Variants in NRG1 observed in about 807,000 individuals in gnomAD.
NRG1 encodes the protein pro-neuregulin-1, membrane-bound isoform.
A neutral mutation model predicts 63.8 loss-of-function variants in NRG1; 18 were observed. The ratio of observed to expected loss-of-function variants is 0.28; its 90% CI spans 0.19 to 0.42. The LOEUF (loss-of-function observed/expected upper bound fraction) is 0.42, where lower values mean the gene tolerates loss of function less well. NRG1 is among the 10% of genes least tolerant of loss of function. NRG1 has a pLI of 1.00. For synonymous variants in NRG1, 302 were observed against 301.3 expected, an observed-to-expected ratio of 1.00 and a Z score of -0.02; for missense variants, 762 against 814.7, an observed-to-expected ratio of 0.94 and a Z score of 0.79.
intron 1 of NRG1, among the ~76,000 whole-genome samples, chr8:31,901,932 A>G (rs1433091788): frequency 6.6e-6 from 1 of 152,036 alleles, no homozygotes; most frequent in African/African-American, 2.4e-5. Flanking sequence ...TCTGTTTCCC[A>G]CTCCATGAAA....
chr8:32,560,534 G>A (rs1326272505), intron 1 of NRG1, among the ~76,000 whole-genome samples: 1 of 152,188 alleles, frequency 6.6e-6, no homozygotes, highest in African/African-American at 2.4e-5. Context: ...ACATTGAGTT[G>A]TAGGAGTTGA....
rs546161662 is a variant in NRG1, at chr8:31,735,387, C to CAA, written c.37+95963_37+95964dup. Among the ~76,000 whole-genome samples the CAA allele has an allele frequency of 1.1e-4, 16 of 151,530 alleles. No homozygotes were observed. In the South Asian group the frequency reaches 2.7e-3, roughly 26 times the overall value. ...TAAATTAGAGCTTTACCTTTATCAC[C>CAA]AAAAAAAACCCCACTGTCTTCCCTT... On this transcript the variant is annotated intron_variant, in intron 1 of 10. Coordinates refer to the NRG1 transcript ENST00000519301.
At chr8:32,414,466 A>T (rs1370472452) in intron 1 of NRG1, among the ~76,000 whole-genome samples, 11 of 152,168 alleles carry the variant, frequency 7.2e-5, no homozygotes, top group Admixed American at 7.2e-4. Context: ...AATGTTGTAA[A>T]TGCTTTGCAT....
At chr8:32,123,740 G>C (rs1833766064) in intron 1 of NRG1, among the ~76,000 whole-genome samples, 1 of 150,766 alleles carries the variant, frequency 6.6e-6, no homozygotes, top group Non-Finnish European at 1.5e-5. Context: ...TGTTTCTTTA[G>C]GAAATGTGCC....
At chr8:31,920,884 G>GGTAGA (rs1833847129) in intron 1 of NRG1, among the ~76,000 whole-genome samples, 9 of 147,206 alleles carry the variant, frequency 6.1e-5, no homozygotes, top group Non-Finnish European at 7.5e-5. Flanking sequence ...AGATAGATAG[G>GGTAGA]TAGATAGATA....
chr8:31,639,474 C>A (rs1318348198), intron 1 of NRG1: 2 of 1,531,402 alleles, frequency 1.3e-6, no homozygotes, highest in Admixed American at 3.9e-5. Context: ...GCCGCCGCGG[C>A]CACCCAGCGA....
intron 1 of NRG1, among the ~76,000 whole-genome samples, chr8:32,233,779 G>C (rs1215986971): frequency 6.6e-6 from 1 of 151,600 alleles, no homozygotes; most frequent in Non-Finnish European, 1.5e-5. Flanking sequence ...TGGCCAGGTT[G>C]GCCTCGATCT....
chr8:31,757,939 C>T (rs182097917), intron 1 of NRG1, among the ~76,000 whole-genome samples: 65 of 152,206 alleles, frequency 4.3e-4, no homozygotes, highest in African/African-American at 1.6e-3. Context: ...ACTCCTCCTT[C>T]TCCTCTATCA....
At chr8:32,156,364 A>T (rs1348236905) in intron 1 of NRG1, among the ~76,000 whole-genome samples, 1 of 152,096 alleles carries the variant, frequency 6.6e-6, no homozygotes, top group Non-Finnish European at 1.5e-5. Context: ...CCTTGCTGTT[A>T]TTATACTTAT....
intron 1 of NRG1, among the ~76,000 whole-genome samples, chr8:32,295,867 G>GC (rs1854785326): frequency 6.6e-6 from 1 of 151,460 alleles, no homozygotes. Context: ...AACCCGGGAG[G>GC]CGGAGGTTGC....
intron 1 of NRG1, among the ~76,000 whole-genome samples, chr8:32,404,541 C>T (rs1323011588): frequency 1.3e-5 from 2 of 151,016 alleles, no homozygotes; most frequent in African/African-American, 4.9e-5. Context: ...TTCATGCTTC[C>T]TCTTTTGTAG....
intron 1 of NRG1, among the ~76,000 whole-genome samples, chr8:31,892,679 G>A (rs944708316): frequency 7.9e-5 from 12 of 151,954 alleles, no homozygotes; most frequent in Admixed American, 2.0e-4. Context: ...TTATTTTGCT[G>A]TATATCACGT....
chr8:31,692,109 A>T lies in NRG1; in HGVS notation c.37+52678A>T, dbSNP rs1359181551. Among the ~76,000 whole-genome samples, 6 of 152,252 alleles carry T rather than the reference A, an allele frequency of 3.9e-5. No homozygotes were observed. The South Asian group carries it at 1.2e-3, about 31-fold the overall frequency. The stretch of plus-strand genomic sequence containing the variant: ...AGGCATCCCAAATTGTTGGGATTAC[A>T]GGTGTGAGCCACCCATGCTTGACCA... On this transcript the variant is annotated intron_variant, in intron 1 of 10. Transcript: ENST00000519301.
At chr8:32,136,729 G>A (rs1239434495) in intron 1 of NRG1, 4 of 152,144 alleles carry the variant, frequency 2.6e-5, no homozygotes, top group African/African-American at 9.7e-5. Context: ...GTGTTTGAAC[G>A]TTGTGGGGTA....
intron 1 of NRG1, among the ~76,000 whole-genome samples, chr8:32,302,904 G>A (rs1016318875): frequency 9.9e-5 from 15 of 152,118 alleles, no homozygotes; most frequent in East Asian, 1.9e-4. Context: ...ACCTGTGGCC[G>A]AGCACGGGGG....
At chr8:31,783,147 T>A (rs950552592) in intron 1 of NRG1, among the ~76,000 whole-genome samples, 2 of 152,170 alleles carry the variant, frequency 1.3e-5, no homozygotes, top group African/African-American at 2.4e-5. Context: ...TTCATCAGTT[T>A]GTCAAAAGGA....
chr8:31,651,911 C>G (rs1051680568), intron 1 of NRG1, among the ~76,000 whole-genome samples: 1 of 152,114 alleles, frequency 6.6e-6, no homozygotes, highest in Non-Finnish European at 1.5e-5. Flanking sequence ...CTTTTTGGCT[C>G]TCTATCTGAA....
At chr8:31,666,746 A>T (rs1336300433) in intron 1 of NRG1, among the ~76,000 whole-genome samples, 3 of 152,342 alleles carry the variant, frequency 2.0e-5, no homozygotes, top group South Asian at 2.1e-4. Flanking sequence ...TGAATGCTAC[A>T]TCTCATGGTT....
intron 7 of NRG1, among the ~76,000 whole-genome samples, chr8:32,753,899 G>A (rs1829193839): frequency 6.6e-6 from 1 of 152,104 alleles, no homozygotes; most frequent in South Asian, 2.1e-4. Flanking sequence ...GGGGCTGGGG[G>A]ATAAAGAGGG....
Sources: gnomAD v4.1 joint callset for allele counts (sites outside exome capture counted in the v4.1 genomes callset) on GRCh38, gnomAD v4.1.1 for gene constraint, MANE v1.5 for transcripts, NCBI Gene and HGNC (gene_info 2026-07-23, HGNC 2026-07-21) for gene names.